Variants in ROBO1 observed in about 807,000 individuals in gnomAD.
ROBO1 encodes roundabout guidance receptor 1.
Under a neutral mutation model 195.9 loss-of-function variants are expected in ROBO1, and 149 were observed. That is an observed-to-expected ratio of 0.76 (90% CI 0.67 to 0.87). The LOEUF is 0.87. Ranked by LOEUF, ROBO1 falls within the 40% of genes least tolerant of loss-of-function variation. ROBO1 has a pLI of 0.00. For missense variants in ROBO1, 1,933 were observed against 2,068.3 expected, an observed-to-expected ratio of 0.93 and a Z score of 1.27; for synonymous variants, 816 against 733.2, an observed-to-expected ratio of 1.11 and a Z score of -1.82.
At chr3:79,701,821 T>G (rs1307452576) in intron 1 of ROBO1, among the ~76,000 whole-genome samples, 2 of 137,356 alleles carry the variant, frequency 1.5e-5, no homozygotes, top group African/African-American at 6.2e-5. Flanking sequence ...TTGTATTGAT[T>G]ATATTTGAAA....
At chr3:79,619,930 A>G (rs1283678531) in intron 1 of ROBO1, among the ~76,000 whole-genome samples, 1 of 152,180 alleles carries the variant, frequency 6.6e-6, no homozygotes, top group Non-Finnish European at 1.5e-5. Flanking sequence ...TACAATATAG[A>G]GAACAGGCAT....
At chr3:79,109,931 A>C (rs2079855013) in intron 3 of ROBO1, among the ~76,000 whole-genome samples, 2 of 152,252 alleles carry the variant, frequency 1.3e-5, no homozygotes, top group African/African-American at 4.8e-5. Context: ...TAACTGTGGT[A>C]ATTTGAAAGC....
intron 24 of ROBO1, among the ~76,000 whole-genome samples, chr3:78,631,678 T>C (rs1559671048): frequency 6.6e-6 from 1 of 152,192 alleles, no homozygotes; most frequent in Non-Finnish European, 1.5e-5. Flanking sequence ...TACAATATGA[T>C]ACAGATACGA....
chr3:78,884,512 G>A (rs1350662082), intron 4 of ROBO1, among the ~76,000 whole-genome samples: 1 of 151,404 alleles, frequency 6.6e-6, no homozygotes, highest in Admixed American at 6.6e-5. Flanking sequence ...CAGCTACTCA[G>A]GGACTGAGAT....
At chr3:78,659,834 T>C (rs1707273335) in intron 16 of ROBO1, 27 bp from the exon 17 acceptor site, 2 of 1,584,444 alleles carry the variant, frequency 1.3e-6, no homozygotes, top group Middle Eastern at 1.7e-4. Context: ...AAAGGTAGGT[T>C]ATTAGAATGT....
At chr3:79,019,102 A>C in intron 3 of ROBO1, 6 of 987,266 alleles carry the variant, frequency 6.1e-6, no homozygotes, top group Non-Finnish European at 7.2e-6. Flanking sequence ...TGTTCCCATC[A>C]CTTGGGGGAT....
intron 1 of ROBO1, among the ~76,000 whole-genome samples, chr3:79,700,317 T>TTGTTTGTG: frequency 6.9e-6 from 1 of 144,254 alleles, no homozygotes; most frequent in East Asian, 2.1e-4. Context: ...GTGTGTGTGT[T>TTGTTTGTG]TGTGTGTGTG....
At chr3:78,756,524 ATCAT>A (rs967815856) in intron 4 of ROBO1, among the ~76,000 whole-genome samples, 3 of 152,200 alleles carry the variant, frequency 2.0e-5, no homozygotes, top group Non-Finnish European at 4.4e-5. Flanking sequence ...GATTCACTTA[ATCAT>A]TCATTCAATA....
intron 2 of ROBO1, among the ~76,000 whole-genome samples, chr3:79,492,590 G>A (rs1359234605): frequency 1.3e-5 from 2 of 151,804 alleles, no homozygotes; most frequent in Non-Finnish European, 2.9e-5. Context: ...ATAAATAAAT[G>A]TATTATGGGA....
chr3:79,048,555 T>C (rs1380536120), intron 3 of ROBO1, among the ~76,000 whole-genome samples: 2 of 152,138 alleles, frequency 1.3e-5, no homozygotes, highest in Non-Finnish European at 2.9e-5. Context: ...GAAGTATATA[T>C]AACCATGTGC....
chr3:79,228,666 C>G (rs2108845441), intron 2 of ROBO1, among the ~76,000 whole-genome samples: 1 of 152,180 alleles, frequency 6.6e-6, no homozygotes, highest in Non-Finnish European at 1.5e-5. Flanking sequence ...TGTACTGTAA[C>G]TTATATAGTT....
chr3:79,135,613 A>T (rs1166652250), intron 2 of ROBO1, among the ~76,000 whole-genome samples: 1 of 152,106 alleles, frequency 6.6e-6, no homozygotes, highest in Non-Finnish European at 1.5e-5. Context: ...AGCAAATATG[A>T]CATAACATTA....
intron 1 of ROBO1, among the ~76,000 whole-genome samples, chr3:79,650,802 C>G (rs1048433336): frequency 6.6e-6 from 1 of 151,810 alleles, no homozygotes; most frequent in Non-Finnish European, 1.5e-5. Flanking sequence ...TATGACATTT[C>G]TGGCAACTGT....
At chr3:79,476,549 G>GTA (rs574735591) in intron 2 of ROBO1, among the ~76,000 whole-genome samples, 29 of 151,744 alleles carry the variant, frequency 1.9e-4, no homozygotes, top group East Asian at 1.2e-3. Context: ...AAATTGTGGT[G>GTA]TATATATATA....
chr3:79,386,291 T>C (rs981672035), intron 2 of ROBO1, among the ~76,000 whole-genome samples: 1 of 152,170 alleles, frequency 6.6e-6, no homozygotes, highest in Non-Finnish European at 1.5e-5. Context: ...TAAGTAATTT[T>C]TATTTTTGTA....
chr3:79,159,949 A>G (rs1164981252), intron 2 of ROBO1, among the ~76,000 whole-genome samples: 1 of 152,052 alleles, frequency 6.6e-6, no homozygotes, highest in Non-Finnish European at 1.5e-5. Context: ...TGCAAAGGCT[A>G]GAGCTAACGT....
intron 2 of ROBO1, among the ~76,000 whole-genome samples, chr3:79,178,644 A>G (rs2081293990): frequency 6.6e-6 from 1 of 152,180 alleles, no homozygotes; most frequent in Non-Finnish European, 1.5e-5. Flanking sequence ...ACATTTCAAA[A>G]GGCATTTGGC....
At chr3:79,302,722 G>A (rs1349838796) in intron 2 of ROBO1, among the ~76,000 whole-genome samples, 1 of 152,014 alleles carries the variant, frequency 6.6e-6, no homozygotes, top group Non-Finnish European at 1.5e-5. Flanking sequence ...GTACAACATT[G>A]TGTAATTATG....
At chr3:78,640,492 T>C (rs1216997648) in intron 21 of ROBO1, among the ~76,000 whole-genome samples, 2 of 152,194 alleles carry the variant, frequency 1.3e-5, no homozygotes, top group Non-Finnish European at 2.9e-5. Flanking sequence ...TTTCTGATGG[T>C]GACAATGTAA....
Sources: gnomAD v4.1 joint callset for allele counts (sites outside exome capture counted in the v4.1 genomes callset) on GRCh38, gnomAD v4.1.1 for gene constraint, MANE v1.5 for transcripts, NCBI Gene and HGNC (gene_info 2026-07-23, HGNC 2026-07-21) for gene names.